Variants in FOXO1 observed in about 807,000 individuals in gnomAD.
The protein encoded by FOXO1 is forkhead box protein O1.
In FOXO1, 6 loss-of-function variants were observed where a neutral mutation model predicts 44.1. That is an observed-to-expected ratio of 0.14 (90% CI 0.07 to 0.27). The LOEUF (loss-of-function observed/expected upper bound fraction) is 0.27, where lower values mean the gene tolerates loss of function less well. Among genes scored for constraint, FOXO1 ranks in the 10% least tolerant of loss-of-function variants. FOXO1 has a pLI of 1.00. For synonymous variants in FOXO1, 380 were observed against 362.7 expected (o/e 1.05, Z -0.54); for missense variants, 737 against 888.8 (o/e 0.83, Z 2.17).
chr13:40,658,583 T>C (rs1220179940), intron 1 of FOXO1, among the ~76,000 whole-genome samples: 4 of 152,112 alleles, frequency 2.6e-5, no homozygotes, highest in Non-Finnish European at 4.4e-5. Context: ...AGTCCACAAC[T>C]AGTCCTGAGG....
At chr13:40,633,101 A>G (rs1435313594) in intron 1 of FOXO1, among the ~76,000 whole-genome samples, 1 of 152,230 alleles carries the variant, frequency 6.6e-6, no homozygotes, top group Non-Finnish European at 1.5e-5. Flanking sequence ...TAAACAAGAC[A>G]ATAACAAGTG....
intron 1 of FOXO1, among the ~76,000 whole-genome samples, chr13:40,628,390 C>CACACAA (rs201043730): frequency 6.6e-6 from 1 of 150,860 alleles, no homozygotes; most frequent in Admixed American, 6.6e-5. Flanking sequence ...CACACACACA[C>CACACAA]CCCGTGAGGG....
chr13:40,631,956 T>C (rs1876977089), intron 1 of FOXO1, among the ~76,000 whole-genome samples: 1 of 152,026 alleles, frequency 6.6e-6, no homozygotes, highest in African/African-American at 2.4e-5. Context: ...TTTAAAAAAA[T>C]AGGACACTAC....
At chr13:40,655,757 C>G (rs973270553) in intron 1 of FOXO1, among the ~76,000 whole-genome samples, 9 of 149,528 alleles carry the variant, frequency 6.0e-5, no homozygotes, top group Non-Finnish European at 2.9e-5. Flanking sequence ...ATTTTCGTGC[C>G]TCAGTCTCCC....
chr13:40,624,733 C>T (rs1383920579), intron 1 of FOXO1, among the ~76,000 whole-genome samples: 1 of 152,106 alleles, frequency 6.6e-6, no homozygotes, highest in Non-Finnish European at 1.5e-5. Flanking sequence ...ACCACTCCCC[C>T]AACCTGGAAT....
Position 40,666,455 on chromosome 13 carries a change from C to G in FOXO1, c.-243G>C. On this transcript the variant is annotated 5_prime_UTR_variant, in exon 1 of 3. Coordinates refer to ENST00000379561, the MANE Select transcript of FOXO1 (RefSeq NM_002015.4). ...TCCGCCGCACGGACTGGACGGCCGG[C>G]CAGAGCCGCCGGGCCGGGGCAGAGC... The G allele has an allele frequency of 2.7e-6, 1 of 371,988 alleles. No homozygotes were observed. The highest frequency in any genetic ancestry group is 4.8e-6 in the Non-Finnish European group (1 of 208,170). 23.0% of individuals were successfully genotyped at this position (371,988 alleles called of 1,614,324 possible). A position where few individuals can be genotyped will look rare whatever the true frequency, so the allele number is the denominator to read the frequency against.
chr13:40,655,830 G>A (rs1338272831), intron 1 of FOXO1, among the ~76,000 whole-genome samples: 1 of 151,854 alleles, frequency 6.6e-6, no homozygotes, highest in East Asian at 1.9e-4. Flanking sequence ...TTTTAGTAGA[G>A]ATGGGATTTC....
intron 1 of FOXO1, among the ~76,000 whole-genome samples, chr13:40,617,823 G>C (rs967258521): frequency 2.0e-5 from 3 of 152,190 alleles, no homozygotes; most frequent in Admixed American, 6.5e-5. Context: ...AAAGCATTAA[G>C]TGTTCTGTAC....
chr13:40,643,413 A>G (rs1877416790), intron 1 of FOXO1, among the ~76,000 whole-genome samples: 1 of 152,120 alleles, frequency 6.6e-6, no homozygotes, highest in African/African-American at 2.4e-5. Flanking sequence ...CACTCCAAAT[A>G]CAACCCACTG....
rs141614641 is a variant in FOXO1 at position 40,581,392 on chromosome 13, A to G, written c.631-20532T>C. 2.1e-3 allele frequency among the ~76,000 whole-genome samples: 316 copies of G among 152,324 alleles called. 1 individual carries two copies. Among genetic ancestry groups the G allele is most frequent in the African/African-American group, 7.4e-3 (308 of 41,578 alleles). The stretch of plus-strand genomic sequence containing the variant: ...GAAACCAGCTGCTCGCTCCTTGATC[A>G]GTCATCCTTTTATCATCAACAGAAC... On this transcript the variant is annotated intron_variant, in intron 1 of 2. Coordinates refer to ENST00000379561, the MANE Select transcript of FOXO1 (RefSeq NM_002015.4).
chr13:40,600,179 A>G (rs1449718763), intron 1 of FOXO1, among the ~76,000 whole-genome samples: 1 of 152,236 alleles, frequency 6.6e-6, no homozygotes, highest in Non-Finnish European at 1.5e-5. Context: ...GAGGAAGACA[A>G]GTTCAAGGCA....
intron 1 of FOXO1, among the ~76,000 whole-genome samples, chr13:40,578,538 C>T (rs1190746962): frequency 6.6e-6 from 1 of 152,112 alleles, no homozygotes; most frequent in Non-Finnish European, 1.5e-5. Context: ...TGGACTCTTC[C>T]CTGCAAGTTC....
intron 1 of FOXO1, among the ~76,000 whole-genome samples, chr13:40,637,870 T>A (rs1877212792): frequency 6.6e-6 from 1 of 152,158 alleles, no homozygotes; most frequent in Non-Finnish European, 1.5e-5. Flanking sequence ...ACTCACTTTA[T>A]GGGAATAACT....
At chr13:40,616,300 A>T (rs1254253264) in intron 1 of FOXO1, among the ~76,000 whole-genome samples, 1 of 152,170 alleles carries the variant, frequency 6.6e-6, no homozygotes, top group Non-Finnish European at 1.5e-5. Flanking sequence ...ATTAAAACGC[A>T]AAAAAAGAAC....
chr13:40,631,955 A>G (rs998800897), intron 1 of FOXO1, among the ~76,000 whole-genome samples: 1 of 152,202 alleles, frequency 6.6e-6, no homozygotes, highest in African/African-American at 2.4e-5. Flanking sequence ...TTTTAAAAAA[A>G]TAGGACACTA....
chr13:40,655,800 C>T (rs892518546), intron 1 of FOXO1, among the ~76,000 whole-genome samples: 1 of 151,864 alleles, frequency 6.6e-6, no homozygotes, highest in African/African-American at 2.4e-5. Flanking sequence ...GCACCATCAC[C>T]ACTGGCTAAT....
chr13:40,598,709 C>G (rs1265082629), intron 1 of FOXO1, among the ~76,000 whole-genome samples: 2 of 152,184 alleles, frequency 1.3e-5, no homozygotes, highest in Non-Finnish European at 2.9e-5. Context: ...CTGCTCTACT[C>G]CCAGTGTGGT....
At chr13:40,640,799 T>TGTTG (rs11398696) in intron 1 of FOXO1, among the ~76,000 whole-genome samples, 4,545 of 96,062 alleles carry the variant, frequency 0.047, 99 homozygotes, top group African/African-American at 0.078. Context: ...TTGTTGTTGT[T>TGTTG]TGAGACAGAG....
intron 1 of FOXO1, among the ~76,000 whole-genome samples, chr13:40,590,883 G>A (rs1348754218): frequency 6.6e-6 from 1 of 152,054 alleles, no homozygotes; most frequent in Non-Finnish European, 1.5e-5. Flanking sequence ...TTCACTTAAC[G>A]CTACACTTTA....
Sources: allele counts gnomAD v4.1 joint callset (sites outside exome capture counted in the v4.1 genomes callset), GRCh38; gene constraint gnomAD v4.1.1; transcripts MANE v1.5; gene names NCBI Gene and HGNC (gene_info 2026-07-23, HGNC 2026-07-21).